PANK3: variants seen among roughly 807,000 people sequenced by gnomAD.
PANK3 encodes the protein pantothenate kinase 3.
PANK3 carries 20 observed loss-of-function variants against 39.4 expected under a neutral mutation model. That is an observed-to-expected ratio of 0.51 (90% CI 0.36 to 0.74). The LOEUF is 0.74. Among genes scored for constraint, PANK3 ranks in the 30% least tolerant of loss-of-function variants. The pLI is 0.00. For synonymous variants in PANK3, 140 were observed against 157.3 expected (o/e 0.89, Z 0.82); for missense variants, 265 against 437.0 (o/e 0.61, Z 3.51).
At chr5:168,564,814 AAT>A (rs1759499899) in intron 3 of PANK3, among the ~76,000 whole-genome samples, 2 of 152,194 alleles carry the variant, frequency 1.3e-5, no homozygotes, top group Admixed American at 1.3e-4. Context: ...AAATCAATTC[AAT>A]ATGATACACT....
chr5:168,576,924 G>C (rs1203460141), intron 1 of PANK3, among the ~76,000 whole-genome samples: 1 of 151,850 alleles, frequency 6.6e-6, no homozygotes, highest in Non-Finnish European at 1.5e-5. Flanking sequence ...CTGTTGCCCA[G>C]GCTGGAGTGC....
chr5:168,566,324 A>G (rs1759532559), intron 2 of PANK3, 58 bp from the exon 3 acceptor site: 3 of 1,507,424 alleles, frequency 2.0e-6, no homozygotes, highest in Non-Finnish European at 2.7e-6. Flanking sequence ...ACTCAACTAT[A>G]TGATTTTCCT....
In PANK3 at chr5:168,563,588, C is replaced by A. The variant is rs529470105; in HGVS notation, c.812+301G>T. On this transcript the variant is annotated intron_variant, in intron 4 of 6. Coordinates refer to ENST00000239231, the MANE Select transcript of PANK3 (RefSeq NM_024594.4). ...GATACTTTAGAGTATATATAGTATG[C>A]CATATAATGGTAGATTACCTTTTGT... Among the ~76,000 whole-genome samples, 6 of 151,214 alleles carry A rather than the reference C, an allele frequency of 4.0e-5. No homozygotes were observed. In the South Asian group the frequency reaches 6.3e-4, roughly 16 times the overall value.
rs1037313232 is a variant in PANK3, at chr5:168,553,532, G to C, written c.*4039C>G. On this transcript the variant is annotated 3_prime_UTR_variant, in exon 7 of 7. Coordinates refer to ENST00000239231, the MANE Select transcript of PANK3 (RefSeq NM_024594.4). ...GATGGCCACAGACAAGGGCCAGGGGGACATGAGCAAAACCTCAGAGGGAGA... is the reference window on the plus strand; with the variant it reads ...GATGGCCACAGACAAGGGCCAGGGGCACATGAGCAAAACCTCAGAGGGAGA... 4 of 331,530 alleles carry C rather than the reference G, an allele frequency of 1.2e-5. No homozygotes were observed. Among genetic ancestry groups the C allele is most frequent in the African/African-American group, 2.2e-5 (1 of 46,090 alleles). The allele number at this position is 331,530 out of a possible 1,614,324, so 20.5% of individuals were successfully genotyped here.
chr5:168,572,071 A>G (rs529040967), intron 1 of PANK3, among the ~76,000 whole-genome samples: 1 of 148,788 alleles, frequency 6.7e-6, no homozygotes, highest in Non-Finnish European at 1.5e-5. Context: ...GAAAGTGACT[A>G]TATTTTCTCA....
intron 5 of PANK3, among the ~76,000 whole-genome samples, chr5:168,560,028 T>C (rs1759418290): frequency 6.6e-6 from 1 of 152,246 alleles, no homozygotes; most frequent in Admixed American, 6.5e-5. Flanking sequence ...ACTCTCACAC[T>C]ATACTGACTT....
chr5:168,572,597 G>A (rs1759658956), intron 1 of PANK3, among the ~76,000 whole-genome samples: 1 of 150,578 alleles, frequency 6.6e-6, no homozygotes, highest in Admixed American at 6.7e-5. Flanking sequence ...ATCAGTTAGG[G>A]TGGGGGAGAA....
At chr5:168,561,726 A>G (rs528230852) in intron 4 of PANK3, among the ~76,000 whole-genome samples, 1 of 152,306 alleles carries the variant, frequency 6.6e-6, no homozygotes, top group African/African-American at 2.4e-5. Flanking sequence ...TGACATCTCA[A>G]AAAAAGCATA....
At chr5:168,572,123 T>TC in intron 1 of PANK3, among the ~76,000 whole-genome samples, 1 of 146,738 alleles carries the variant, frequency 6.8e-6, no homozygotes, top group East Asian at 2.0e-4. Flanking sequence ...TTTTTTTTTT[T>TC]TTTTTTTTGA....
chr5:168,562,060 T>G (rs532136884), intron 4 of PANK3, among the ~76,000 whole-genome samples: 22 of 152,352 alleles, frequency 1.4e-4, no homozygotes, highest in African/African-American at 5.3e-4. Flanking sequence ...ACATTTCATT[T>G]AAGCCAATAT....
chr5:168,573,515 TC>T (rs1370871760), intron 1 of PANK3, among the ~76,000 whole-genome samples: 1 of 149,364 alleles, frequency 6.7e-6, no homozygotes, highest in Non-Finnish European at 1.5e-5. Context: ...TTTGTTTAAA[TC>T]TTTTTTTAAA....
intron 2 of PANK3, among the ~76,000 whole-genome samples, chr5:168,566,596 A>G (rs1287744275): frequency 6.6e-6 from 1 of 152,134 alleles, no homozygotes; most frequent in Non-Finnish European, 1.5e-5. Context: ...ATTATCTTTG[A>G]GTGTTCTGCC....
chr5:168,550,356 T>G lies in PANK3; in HGVS notation c.*7215A>C, dbSNP rs1298705404. On this transcript the variant is annotated 3_prime_UTR_variant, in exon 7 of 7. Coordinates refer to ENST00000239231, the MANE Select transcript of PANK3 (RefSeq NM_024594.4). ...AACTTACGGTATTTTCAATTTACAA[T>G]GGGTCTACTGGAACATAACCCTATT... 2.6e-5 allele frequency: 4 copies of G among 152,230 alleles called. No individual in the cohort carries two copies. The highest frequency in any genetic ancestry group is 4.4e-5 in the Non-Finnish European group (3 of 68,046). 9.4% of individuals were successfully genotyped at this position (152,230 alleles called of 1,614,324 possible).
intron 2 of PANK3, among the ~76,000 whole-genome samples, chr5:168,567,374 T>G (rs1759553249): frequency 6.6e-6 from 1 of 152,202 alleles, no homozygotes; most frequent in South Asian, 2.1e-4. Context: ...TACCTTAATC[T>G]CCTGTCTTTA....
intron 3 of PANK3, among the ~76,000 whole-genome samples, chr5:168,564,679 C>A (rs75082891): frequency 0.016 from 2,485 of 152,240 alleles, 70 homozygotes; most frequent in African/African-American, 0.056. Flanking sequence ...TCAAGCAATC[C>A]TCCACTTTGG....
At chr5:168,579,235 G>A (rs749833357) in intron 1 of PANK3, 21 bp downstream of exon 1, 2 of 1,485,966 alleles carry the variant, frequency 1.3e-6, no homozygotes. Flanking sequence ...CCAACCTGGC[G>A]GGCCCCAGCC....
At chr5:168,561,654 AAACT>A in intron 4 of PANK3, 138 bp from the exon 5 acceptor site, 3 of 626,054 alleles carry the variant, frequency 4.8e-6, no homozygotes, top group Non-Finnish European at 7.1e-6. Context: ...AGATCAAAAC[AAACT>A]AACAAAAAAA....
At chr5:168,577,949 A>G (rs1759754098) in intron 1 of PANK3, among the ~76,000 whole-genome samples, 1 of 152,220 alleles carries the variant, frequency 6.6e-6, no homozygotes, top group African/African-American at 2.4e-5. Flanking sequence ...TCTCTATATT[A>G]CTTTTCATTT....
chr5:168,558,475 G>A (rs1037676754), intron 6 of PANK3, among the ~76,000 whole-genome samples: 5 of 152,140 alleles, frequency 3.3e-5, no homozygotes, highest in Admixed American at 3.3e-4. Flanking sequence ...AGACATGGAA[G>A]CTTTTAAGAG....
Sources: allele counts gnomAD v4.1 joint callset (sites outside exome capture counted in the v4.1 genomes callset), GRCh38; gene constraint gnomAD v4.1.1; transcripts MANE v1.5; gene names NCBI Gene and HGNC (gene_info 2026-07-23, HGNC 2026-07-21).